The following FOXP4 variants were observed in gnomAD, a reference collection of about 807,000 sequenced individuals.
FOXP4 encodes the protein forkhead box protein P4.
FOXP4 carries 25 observed loss-of-function variants against 82.6 expected under a neutral mutation model. The observed-to-expected ratio is 0.30, with a 90% confidence interval of 0.22 to 0.42. FOXP4 has a LOEUF of 0.42. Among genes scored for constraint, FOXP4 ranks in the 10% least tolerant of loss-of-function variants. The pLI, the probability that FOXP4 is intolerant of heterozygous loss-of-function variation, is 1.00. For synonymous variants in FOXP4, 415 were observed against 388.2 expected (o/e 1.07, Z -0.81); for missense variants, 785 against 900.9 (o/e 0.87, Z 1.65).
intron 3 of FOXP4, among the ~76,000 whole-genome samples, chr6:41,584,446 G>C (rs1463717034): frequency 6.6e-6 from 1 of 152,240 alleles, no homozygotes; most frequent in Non-Finnish European, 1.5e-5. Context: ...CTGCTCTAAG[G>C]ACAGCCCGTC....
Position 41,597,944 on chromosome 6 carries a change from A to G in FOXP4, c.1889A>G (p.Gln630Arg), listed in dbSNP as rs1261948544. ...SSSPPRLSPP[Q>R]YSHQVQVKEE... ...AGCCCTCCTCGCCTCTCCCCGCCCC[A>G]GTACAGGTGAGCACACAGCACGGAC... The change falls in exon 16 of 17, where the codon CAG (glutamine) becomes CGG (arginine). Residue 630 changes from glutamine (Q) to arginine (R), a missense_variant. By Grantham distance (43) the Gln-to-Arg change is conservative (BLOSUM62 1). This residue lies in a region of FOXP4 where 184 missense variants were observed against 187.3 expected (regional missense o/e 0.98). Coordinates refer to ENST00000307972, the MANE Select transcript of FOXP4 (RefSeq NM_001012426.2). 2.6e-6 allele frequency: 4 copies of G among 1,530,050 alleles called. No homozygotes were observed. The highest frequency in any genetic ancestry group is 3.5e-6 in the Non-Finnish European group (4 of 1,146,430). 94.8% of individuals were successfully genotyped at this position (1,530,050 alleles called of 1,614,324 possible).
intron 16 of FOXP4, 93 bp from the exon 17 acceptor site, chr6:41,598,696 C>G: frequency 6.6e-7 from 1 of 1,517,948 alleles, no homozygotes; most frequent in Non-Finnish European, 8.9e-7. Context: ...GGGCACCCCA[C>G]TGTGCCCCAG....
In FOXP4 at chr6:41,594,857, A is replaced by G. The variant is rs1228687191; in HGVS notation, c.1537-13A>G. ...GCAAGCCGCCTCTGAGCTCCTCTTCACTGCACCCACAGAACGCCGTGCGCC... is the reference window on the plus strand; with the variant it reads ...GCAAGCCGCCTCTGAGCTCCTCTTCGCTGCACCCACAGAACGCCGTGCGCC... On this transcript the variant is annotated splice_polypyrimidine_tract_variant and intron_variant, in intron 13 of 16. Transcript: ENST00000307972. The G allele has an allele frequency of 6.2e-7, 1 of 1,613,626 alleles. No homozygotes were observed. The highest frequency in any genetic ancestry group is 2.2e-5 in the East Asian group (1 of 44,882).
At position 41,597,183 on chromosome 6, in the gene FOXP4, A is replaced by C; in HGVS notation, c.1666A>C (p.Thr556Pro). Reference protein sequence around the residue: ...RRPPKMTGSPTLVKNMISGLS... With the variant: ...RRPPKMTGSPPLVKNMISGLS... ...GCCTTCTCTGTCCTCCAGGAGCCCCACCCTGGTGAAGAACATGATCTCTGG... is the reference window on the plus strand; with the variant it reads ...GCCTTCTCTGTCCTCCAGGAGCCCCCCCCTGGTGAAGAACATGATCTCTGG... Residue 556 changes from threonine (T) to proline (P), a missense_variant, in exon 15 of 17, where the codon ACC becomes CCC. By Grantham distance (38) the Thr-to-Pro change is conservative (BLOSUM62 -1). Transcript: ENST00000307972. The C allele has an allele frequency of 6.2e-7, 1 of 1,614,106 alleles. No individual in the cohort carries two copies. Among genetic ancestry groups the C allele is most frequent in the Non-Finnish European group, 8.5e-7 (1 of 1,179,994 alleles).
In FOXP4 at chr6:41,590,281, G is replaced by C. The variant is rs377548372; in HGVS notation, c.1368G>C (p.Gln456His). 3.1e-6 allele frequency: 5 copies of C among 1,613,942 alleles called. No homozygotes were observed. The African/African-American group carries it at 6.7e-5, about 22-fold the overall frequency. Residue 456 changes from glutamine to histidine, a missense_variant, in exon 12 of 17, where the codon CAG becomes CAC. Gln to His is a conservative substitution (Grantham distance 24, BLOSUM62 0). Transcript: ENST00000307972. ...FCSPISSELA[Q>H]NHEFYKNADV... ...TGCCTGTCTCCCCAGAGCTGGCCCA[G>C]AATCATGAGTTCTACAAGAACGCCG...
chr6:41,566,993 A>C (rs1437022228), intron 2 of FOXP4, among the ~76,000 whole-genome samples: 1 of 152,166 alleles, frequency 6.6e-6, no homozygotes, highest in Non-Finnish European at 1.5e-5. Flanking sequence ...CCCACAGCCC[A>C]ACTTCATAAC....
Position 41,587,448 on chromosome 6 carries a change from C to T in FOXP4, c.808C>T (p.Pro270Ser). ...TSFAAPPKVS[P>S]PLSHHTLPNG... ...GTTTGCCGCTCCCCCCAAGGTCTCACCCCCCCTCTCCCACCATACCCTGCC... is the reference window on the plus strand; with the variant it reads ...GTTTGCCGCTCCCCCCAAGGTCTCATCCCCCCTCTCCCACCATACCCTGCC... The change falls in exon 7 of 17, where the codon CCC becomes TCC. Residue 270 changes from proline (P) to serine (S), a missense_variant. Pro to Ser is a moderately conservative substitution (Grantham distance 74). Transcript: ENST00000307972. 7 of 1,556,134 alleles carry T rather than the reference C, an allele frequency of 4.5e-6. No homozygotes were observed. Among genetic ancestry groups the T allele is most frequent in the Admixed American group, 1.9e-5 (1 of 53,108 alleles).
At chr6:41,554,993 C>G (rs965779938) in intron 1 of FOXP4, among the ~76,000 whole-genome samples, 3 of 152,162 alleles carry the variant, frequency 2.0e-5, no homozygotes, top group African/African-American at 7.2e-5. Context: ...TGGCTCATGC[C>G]TGTAATCCCA....
At chr6:41,595,703 A>G (rs939859796) in intron 14 of FOXP4, among the ~76,000 whole-genome samples, 4 of 152,012 alleles carry the variant, frequency 2.6e-5, no homozygotes, top group East Asian at 1.9e-4. Context: ...CCCGGGTTCA[A>G]GCAATTCTCC....
intron 3 of FOXP4, among the ~76,000 whole-genome samples, chr6:41,581,661 A>G (rs1165114965): frequency 2.0e-5 from 3 of 152,120 alleles, no homozygotes; most frequent in African/African-American, 7.2e-5. Context: ...AGGTCAACCA[A>G]CTCAGGAGAT....
At chr6:41,588,400 A>G (rs1766289932) in intron 8 of FOXP4, among the ~76,000 whole-genome samples, 1 of 152,218 alleles carries the variant, frequency 6.6e-6, no homozygotes, top group Non-Finnish European at 1.5e-5. Flanking sequence ...TCAGAGGTTT[A>G]CTTAATTAGT....
Position 41,599,219 on chromosome 6 carries a change from A to C in FOXP4, c.*283A>C. The C allele has an allele frequency of 3.0e-5, 8 of 266,740 alleles. No individual in the cohort carries two copies. The highest frequency in any genetic ancestry group is 1.0e-4 in the South Asian group (1 of 9,828). The allele number at this position is 266,740 out of a possible 1,614,324, so 16.5% of individuals were successfully genotyped here. On this transcript the variant is annotated 3_prime_UTR_variant, in exon 17 of 17. Coordinates refer to ENST00000307972, the MANE Select transcript of FOXP4 (RefSeq NM_001012426.2). ...CCACATCTGAAACTGCCTCCCCCCA[A>C]CCACCAGCAGCAGCAGGGCCCTCCT...
At chr6:41,561,190 A>ATAGGCTCC (rs1206845602) in intron 1 of FOXP4, among the ~76,000 whole-genome samples, 13 of 152,222 alleles carry the variant, frequency 8.5e-5, no homozygotes, top group Admixed American at 7.2e-4. Flanking sequence ...TAGGCCTGAC[A>ATAGGCTCC]TAGGCTCCGA....
intron 4 of FOXP4, 129 bp from the exon 5 acceptor site, chr6:41,585,302 G>A (rs1766042912): frequency 2.1e-6 from 2 of 942,408 alleles, no homozygotes; most frequent in Admixed American, 2.7e-5. Flanking sequence ...CCTCCAGGCT[G>A]ACTGGGGAAA....
rs201819185 is a variant in FOXP4, at chr6:41,584,883, C to T, written c.415C>T (p.Leu139Phe). ...ALLQQQQALM[L>F]QQLQEYYKKQ... The stretch of plus-strand genomic sequence containing the variant: ...GCTCCAGCAGCAGCAAGCCCTCATG[C>T]TCCAGCAGGTGAGTCTGGCCCCAGG... Residue 139 changes from leucine (L) to phenylalanine (F), a missense_variant, in exon 4 of 17, where the codon CTC (leucine) becomes TTC (phenylalanine). This residue lies in a region of FOXP4 where 570 missense variants were observed against 634.0 expected (regional missense o/e 0.90). Transcript: ENST00000307972. The T allele has an allele frequency of 1.2e-6, 2 of 1,610,316 alleles. No individual in the cohort carries two copies. The highest frequency in any genetic ancestry group is 2.2e-5 in the East Asian group (1 of 44,840).
At chr6:41,588,559 G>T in intron 8 of FOXP4, 85 bp from the exon 9 acceptor site, 1 of 1,323,684 alleles carries the variant, frequency 7.6e-7, no homozygotes, top group Non-Finnish European at 1.1e-6. Flanking sequence ...TTCAGGCCAT[G>T]GGTGGGATTA....
intron 2 of FOXP4, among the ~76,000 whole-genome samples, chr6:41,576,998 G>A (rs1198433365): frequency 6.6e-6 from 1 of 152,144 alleles, no homozygotes; most frequent in Admixed American, 6.5e-5. Context: ...TGAGGACATA[G>A]AGGGCTTGAC....
chr6:41,587,403 A>C lies in FOXP4; in HGVS notation c.763A>C (p.Thr255Pro). The C allele has an allele frequency of 6.3e-7, 1 of 1,591,134 alleles. No individual in the cohort carries two copies. Among genetic ancestry groups the C allele is most frequent in the South Asian group, 1.1e-5 (1 of 87,180 alleles). The change falls in exon 7 of 17, where the codon ACG becomes CCG. Residue 255 changes from threonine to proline, a missense_variant. Thr to Pro is a conservative substitution (Grantham distance 38). Coordinates refer to ENST00000307972, the MANE Select transcript of FOXP4 (RefSeq NM_001012426.2). ...GCAGGAGGGGCTGGACCTCACTGGC[A>C]CGGCCGCCACCGCTACCTCGTTTGC... ...VKQEGLDLTG[T>P]AATATSFAAP...
intron 2 of FOXP4, among the ~76,000 whole-genome samples, chr6:41,574,963 G>A (rs923439857): frequency 1.3e-4 from 19 of 150,546 alleles, no homozygotes; most frequent in African/African-American, 4.5e-4. Flanking sequence ...GTTTTGTTTT[G>A]TGTTTTGTTT....
Sources: allele counts gnomAD v4.1 joint callset (sites outside exome capture counted in the v4.1 genomes callset), GRCh38; gene constraint gnomAD v4.1.1; regional missense constraint gnomAD v4.1.1; transcripts MANE v1.5; gene names NCBI Gene and HGNC (gene_info 2026-07-23, HGNC 2026-07-21).